Variants in LPCAT1 observed in about 807,000 individuals in gnomAD.
LPCAT1 encodes the protein lysophosphatidylcholine acyltransferase 1.
A neutral mutation model predicts 60.9 loss-of-function variants in LPCAT1; 23 were observed. The observed-to-expected ratio is 0.38, with a 90% confidence interval of 0.27 to 0.53. The LOEUF (loss-of-function observed/expected upper bound fraction) is 0.53, where lower values mean the gene tolerates loss of function less well. LPCAT1 is among the 20% of genes least tolerant of loss of function. LPCAT1 has a pLI of 0.82. For missense variants in LPCAT1, 622 were observed against 723.6 expected (o/e 0.86, Z 1.61); for synonymous variants, 340 against 301.1 (o/e 1.13, Z -1.34).
rs763011392 is a variant in LPCAT1 at position 1,476,374 on chromosome 5, C to G, written c.899+1030G>C. Reference sequence around the variant, plus strand: ...GCCCATTTCTACCCTCGGACACATGCTTTGGGAGGGAGAGGATGGGAACGT... The same window carrying G: ...GCCCATTTCTACCCTCGGACACATGGTTTGGGAGGGAGAGGATGGGAACGT... On this transcript the variant is annotated intron_variant, in intron 9 of 13. Coordinates refer to ENST00000283415, the MANE Select transcript of LPCAT1 (RefSeq NM_024830.5). The surrounding 1 kb of genome is among the most constrained non-coding windows in gnomAD (Gnocchi z 8.6). Among the ~76,000 whole-genome samples, 2 of 152,128 alleles carry G rather than the reference C, an allele frequency of 1.3e-5. No individual in the cohort carries two copies. Among genetic ancestry groups the G allele is most frequent in the Non-Finnish European group, 2.9e-5 (2 of 68,022 alleles).
At chr5:1,493,183 C>A (rs1354166722) in intron 3 of LPCAT1, among the ~76,000 whole-genome samples, 1 of 152,248 alleles carries the variant, frequency 6.6e-6, no homozygotes, top group East Asian at 1.9e-4. Flanking sequence ...GTGCAGTGAG[C>A]CCTCCAGTCC....
rs1359835811 is a variant in LPCAT1 at position 1,495,166 on chromosome 5, C to T, written c.279-252G>A. Among the ~76,000 whole-genome samples, 1 of 152,226 alleles carries T rather than the reference C, an allele frequency of 6.6e-6. No individual in the cohort carries two copies. The highest frequency in any genetic ancestry group is 1.5e-5 in the Non-Finnish European group (1 of 68,040). ...CGGGGCCCTGTGTGGTGGTCACGGG[C>T]CACGCGGCAGGCAGTGCTAAGACAA... On this transcript the variant is annotated intron_variant, in intron 2 of 13. Coordinates refer to ENST00000283415, the MANE Select transcript of LPCAT1 (RefSeq NM_024830.5). The surrounding 1 kb of genome is among the most constrained non-coding windows in gnomAD (Gnocchi z 4.7).
chr5:1,485,136 T>A (rs1327848716), intron 5 of LPCAT1, among the ~76,000 whole-genome samples: 2 of 152,076 alleles, frequency 1.3e-5, no homozygotes, highest in African/African-American at 4.8e-5. Context: ...CAGCCGACCA[T>A]CCCGACCATG....
intron 12 of LPCAT1, among the ~76,000 whole-genome samples, chr5:1,469,568 G>A (rs1345988978): frequency 6.6e-6 from 1 of 152,186 alleles, no homozygotes; most frequent in Non-Finnish European, 1.5e-5. Context: ...CTTGAGGCCA[G>A]GAGTTTGAGA....
At chr5:1,500,587 C>T (rs751562602) in intron 2 of LPCAT1, among the ~76,000 whole-genome samples, 5 of 152,214 alleles carry the variant, frequency 3.3e-5, no homozygotes, top group Admixed American at 1.3e-4. Flanking sequence ...TCTCGGAGGG[C>T]GGGGAAGGAC....
intron 3 of LPCAT1, among the ~76,000 whole-genome samples, chr5:1,490,292 G>C (rs1378716204): frequency 6.6e-6 from 1 of 152,210 alleles, no homozygotes; most frequent in Non-Finnish European, 1.5e-5. Context: ...CCTCACTCCT[G>C]GTACCGGGAA....
At chr5:1,470,436 T>A (rs961165203) in intron 12 of LPCAT1, among the ~76,000 whole-genome samples, 3 of 152,124 alleles carry the variant, frequency 2.0e-5, no homozygotes, top group African/African-American at 2.4e-5. Flanking sequence ...GCCCCTGGGG[T>A]TAGCTGAGGT....
At chr5:1,512,508 T>C (rs1736387761) in intron 1 of LPCAT1, among the ~76,000 whole-genome samples, 1 of 152,226 alleles carries the variant, frequency 6.6e-6, no homozygotes, top group African/African-American at 2.4e-5. Context: ...AAGACACAGC[T>C]TGCTGAAGTG....
At chr5:1,489,995 G>C (rs1735514827) in intron 3 of LPCAT1, 137 bp from the exon 4 acceptor site, 1 of 689,328 alleles carries the variant, frequency 1.5e-6, no homozygotes, top group Non-Finnish European at 2.6e-6. Flanking sequence ...CCATGGGTGG[G>C]CTGTGAGTCC....
chr5:1,467,090 G>A (rs1328514570), intron 12 of LPCAT1, 200 bp from the exon 13 acceptor site: 26 of 439,486 alleles, frequency 5.9e-5, no homozygotes, highest in Non-Finnish European at 8.3e-5. Flanking sequence ...GCCCCCTCCA[G>A]GTGCCTCGTG....
rs900613995 is a variant in LPCAT1 at position 1,483,707 on chromosome 5, G to C, written c.668-221C>G. On this transcript the variant is annotated intron_variant, in intron 5 of 13. Transcript: ENST00000283415. The surrounding 1 kb of genome is among the most constrained non-coding windows in gnomAD (Gnocchi z 9.2). ...GGAACATCGGCCAGGGGCGCTCCCC[G>C]GCCAAGGAACACTTTCTGTTTTAAC... Among the ~76,000 whole-genome samples the C allele has an allele frequency of 3.3e-5, 5 of 152,194 alleles. No individual in the cohort carries two copies. Among genetic ancestry groups the C allele is most frequent in the Non-Finnish European group, 7.3e-5 (5 of 68,040 alleles).
chr5:1,464,828 A>G (rs1734273280), intron 13 of LPCAT1, among the ~76,000 whole-genome samples: 3 of 150,956 alleles, frequency 2.0e-5, no homozygotes, highest in Admixed American at 2.0e-4. Context: ...GTAATCACAC[A>G]TGCACGTACA....
rs1409486130 is a variant in LPCAT1, at chr5:1,522,863, C to A, written c.135+847G>T. Among the ~76,000 whole-genome samples, 1 of 152,128 alleles carries A rather than the reference C, an allele frequency of 6.6e-6. No homozygotes were observed. Among genetic ancestry groups the A allele is most frequent in the Admixed American group, 6.5e-5 (1 of 15,280 alleles). ...TAAGCCCAGCTGGCAGCCAGGTAGC[C>A]GGAAAAGCCAGGCTGAGCCAGCACA... On this transcript the variant is annotated intron_variant, in intron 1 of 13. Transcript: ENST00000283415. This position sits in a 1 kb window ranked among gnomAD's most constrained non-coding sequence, Gnocchi z 6.8.
chr5:1,514,598 G>A (rs1231360283), intron 1 of LPCAT1, among the ~76,000 whole-genome samples: 3 of 152,168 alleles, frequency 2.0e-5, no homozygotes, highest in African/African-American at 4.8e-5. Context: ...TTAATTCCGA[G>A]GTTGGGAATG....
chr5:1,505,618 T>G (rs1231746408), intron 1 of LPCAT1, among the ~76,000 whole-genome samples: 1 of 152,228 alleles, frequency 6.6e-6, no homozygotes, highest in Non-Finnish European at 1.5e-5. Context: ...GGCCAGCCAG[T>G]GGGGGGATGC....
chr5:1,467,021 C>T, intron 12 of LPCAT1, 131 bp from the exon 13 acceptor site: 1 of 1,001,422 alleles, frequency 1.0e-6, no homozygotes, highest in Non-Finnish European at 1.3e-6. Flanking sequence ...GGCGGCTGGA[C>T]ACGGGGGACT....
Position 1,466,885 on chromosome 5 carries a change from G to A in LPCAT1, c.1284C>T (p.Tyr428=), listed in dbSNP as rs372740293. Residue 428 remains tyrosine, a synonymous_variant, in exon 13 of 14, where the codon TAC becomes TAT. Coordinates refer to ENST00000283415, the MANE Select transcript of LPCAT1 (RefSeq NM_024830.5). ...CGACGCTGCCGTCCTCTTGCGCTCC[G>A]TACATCTGCAAGGCAAACTGGGTGT... ...LDTIQLAFKM[Y]GAQEDGSVGE... 5 of 1,589,516 alleles carry A rather than the reference G, an allele frequency of 3.1e-6. No individual in the cohort carries two copies. In the East Asian group the frequency reaches 6.9e-5, roughly 22 times the overall value.
chr5:1,498,338 C>T (rs1202439352), intron 2 of LPCAT1, among the ~76,000 whole-genome samples: 1 of 152,172 alleles, frequency 6.6e-6, no homozygotes, highest in African/African-American at 2.4e-5. Flanking sequence ...CCTTCAAGCA[C>T]CAAGCCAAGC....
chr5:1,491,594 G>C (rs967252290), intron 3 of LPCAT1, among the ~76,000 whole-genome samples: 2 of 152,302 alleles, frequency 1.3e-5, no homozygotes, highest in Middle Eastern at 3.4e-3. Context: ...TGGGCAGTGA[G>C]GACAGCAAGG....
Sources: gnomAD v4.1 joint callset for allele counts (sites outside exome capture counted in the v4.1 genomes callset) on GRCh38, gnomAD v4.1.1 for gene constraint, Gnocchi (gnomAD v3.1) non-coding constraint, MANE v1.5 for transcripts, NCBI Gene and HGNC (gene_info 2026-07-23, HGNC 2026-07-21) for gene names.